Variants in LMO7 observed in about 807,000 individuals in gnomAD.
LMO7 encodes LIM domain 7, also known as LIM domain only protein 7.
LMO7 carries 120 observed loss-of-function variants against 206.5 expected under a neutral mutation model. The observed-to-expected ratio is 0.58, with a 90% CI of 0.50 to 0.68. LMO7 has a LOEUF of 0.68. Ranked by LOEUF, LMO7 falls within the 30% of genes least tolerant of loss-of-function variation. The probability of loss-of-function intolerance (pLI) is 0.00; values close to 1 mark genes in which losing one functional copy is unlikely to be tolerated. For synonymous variants in LMO7, 706 were observed against 681.5 expected (o/e 1.04, Z -0.56); for missense variants, 1,959 against 1,957.9 (o/e 1.00, Z -0.01).
At chr13:75,662,193 T>G (rs1161204287) in intron 1 of LMO7, among the ~76,000 whole-genome samples, 1 of 152,206 alleles carries the variant, frequency 6.6e-6, no homozygotes, top group Non-Finnish European at 1.5e-5. Context: ...ATTCTTTTAT[T>G]AAAAAATGAA....
chr13:75,723,754 G>C (rs35138645), intron 2 of LMO7, among the ~76,000 whole-genome samples: 3,289 of 152,244 alleles, frequency 0.022, 61 homozygotes, highest in Non-Finnish European at 0.034. Flanking sequence ...TGAAAGTAAG[G>C]GAGGGGAGTG....
At chr13:75,735,608 C>T (rs112152915) in intron 3 of LMO7, among the ~76,000 whole-genome samples, 5 of 151,058 alleles carry the variant, frequency 3.3e-5, no homozygotes, top group Admixed American at 6.6e-5. Context: ...ACTACAGGCG[C>T]GCGGCACCAC....
chr13:75,802,902 G>A (rs556475528), intron 7 of LMO7, among the ~76,000 whole-genome samples: 1 of 152,102 alleles, frequency 6.6e-6, no homozygotes, highest in South Asian at 2.1e-4. Flanking sequence ...CTAGTTTTAC[G>A]TGAAAACTCA....
intron 2 of LMO7, among the ~76,000 whole-genome samples, chr13:75,625,033 G>C (rs2138685607): frequency 6.6e-6 from 1 of 152,366 alleles, no homozygotes; most frequent in African/African-American, 2.4e-5. Flanking sequence ...TTCTCAGCCA[G>C]TAGGAAGTAA....
Position 75,800,857 on chromosome 13 carries a change from T to C in LMO7, c.636T>C (p.Asp212=), listed in dbSNP as rs1190230240. 2 of 1,613,910 alleles carry C rather than the reference T, an allele frequency of 1.2e-6. No individual in the cohort carries two copies. Among genetic ancestry groups the C allele is most frequent in the Non-Finnish European group, 1.7e-6 (2 of 1,179,830 alleles). The change falls in exon 7 of 31, where the codon GAT becomes GAC. Residue 212 remains aspartate, a synonymous_variant. Coordinates refer to ENST00000377534, the MANE Select transcript of LMO7 (RefSeq NM_001306080.2). ...GGTCATTGACAAGCTGCTCCTCTGA[T>C]ATCACGTTGAGAGGGGGGCGTGAAG... ...GSRSLTSCSS[D]ITLRGGREGF...
chr13:75,839,848 G>T (rs1434085393), intron 20 of LMO7: 3 of 445,642 alleles, frequency 6.7e-6, no homozygotes, highest in Admixed American at 7.1e-5. Flanking sequence ...TAGAGCTAGG[G>T]TTTATTTTGG....
At chr13:75,625,444 TGTGTG>T (rs2033916818) in intron 2 of LMO7, among the ~76,000 whole-genome samples, 1 of 36,924 alleles carries the variant, frequency 2.7e-5, no homozygotes, top group African/African-American at 8.6e-5. Flanking sequence ...TGTGTGTGTG[TGTGTG>T]TGTGTGCATG....
At chr13:75,632,471 G>A (rs1247696252), upstream of LMO7, among the ~76,000 whole-genome samples, 1 of 152,104 alleles carries the variant, frequency 6.6e-6, no homozygotes, top group Non-Finnish European at 1.5e-5. Flanking sequence ...CATTTATTGA[G>A]TGCCTACTCT....
chr13:75,818,890 A>G (rs1334249322), intron 12 of LMO7, among the ~76,000 whole-genome samples: 1 of 152,174 alleles, frequency 6.6e-6, no homozygotes, highest in Non-Finnish European at 1.5e-5. Context: ...ACAGTGCCCT[A>G]TGCATGTGTG....
At chr13:75,623,219 T>C (rs1264992932) in intron 1 of LMO7, 3 of 880,604 alleles carry the variant, frequency 3.4e-6, no homozygotes, top group African/African-American at 3.4e-5. Flanking sequence ...TTACTTTTCA[T>C]TTTTTTTCTG....
chr13:75,728,003 A>C (rs960440101), intron 3 of LMO7, among the ~76,000 whole-genome samples: 4 of 151,822 alleles, frequency 2.6e-5, no homozygotes, highest in Non-Finnish European at 4.4e-5. Flanking sequence ...TATGTGCCAC[A>C]TTTTCTTAAT....
chr13:75,726,249 G>A (rs2044464478), intron 2 of LMO7, among the ~76,000 whole-genome samples: 1 of 151,862 alleles, frequency 6.6e-6, no homozygotes, highest in Non-Finnish European at 1.5e-5. Context: ...CAGTGTCAGT[G>A]AACAAATCAA....
At chr13:75,774,656 T>C (rs771734335) in intron 4 of LMO7, among the ~76,000 whole-genome samples, 2 of 152,122 alleles carry the variant, frequency 1.3e-5, no homozygotes, top group Non-Finnish European at 2.9e-5. Context: ...TGTTTTAATA[T>C]ACATTATTAT....
Position 75,835,218 on chromosome 13 carries a change from C to T in LMO7, c.3227-15C>T. The T allele has an allele frequency of 1.7e-5, 28 of 1,612,280 alleles. No homozygotes were observed. Among genetic ancestry groups the T allele is most frequent in the Non-Finnish European group, 2.3e-5 (27 of 1,179,230 alleles). On this transcript the variant is annotated splice_polypyrimidine_tract_variant and intron_variant, in intron 17 of 30. Transcript: ENST00000377534. ...AAAACCCTCAATCTCACCAGTATGGCTACCAAAATTATAGGTTCACCTGAA... is the reference window on the plus strand; with the variant it reads ...AAAACCCTCAATCTCACCAGTATGGTTACCAAAATTATAGGTTCACCTGAA...
At chr13:75,711,680 A>G (rs954463125) in intron 1 of LMO7, among the ~76,000 whole-genome samples, 1 of 152,124 alleles carries the variant, frequency 6.6e-6, no homozygotes, top group African/African-American at 2.4e-5. Context: ...AAATGCAGAA[A>G]TCACCCGTCT....
At chr13:75,716,288 G>A (rs2043528274) in intron 2 of LMO7, among the ~76,000 whole-genome samples, 1 of 152,166 alleles carries the variant, frequency 6.6e-6, no homozygotes. Context: ...ATTTCAGATA[G>A]TCTAAAGTGG....
intron 3 of LMO7, among the ~76,000 whole-genome samples, chr13:75,744,680 A>C (rs1021080964): frequency 6.6e-6 from 1 of 152,196 alleles, no homozygotes; most frequent in Non-Finnish European, 1.5e-5. Context: ...TAGGCCCATG[A>C]CTGTGCTTCC....
At chr13:75,660,814 T>C (rs1594119327) in intron 1 of LMO7, among the ~76,000 whole-genome samples, 2 of 152,080 alleles carry the variant, frequency 1.3e-5, no homozygotes, top group African/African-American at 4.8e-5. Context: ...CCTTGAGTCT[T>C]TGAGGTTTTG....
chr13:75,660,997 T>A (rs1714045880), intron 1 of LMO7, among the ~76,000 whole-genome samples: 1 of 152,196 alleles, frequency 6.6e-6, no homozygotes, highest in Non-Finnish European at 1.5e-5. Flanking sequence ...TTTTGGCAAA[T>A]GTGTATTTTC....
Sources: gnomAD v4.1 joint callset for allele counts (sites outside exome capture counted in the v4.1 genomes callset) on GRCh38, gnomAD v4.1.1 for gene constraint, MANE v1.5 for transcripts, NCBI Gene and HGNC (gene_info 2026-07-23, HGNC 2026-07-21) for gene names.